Variants in ASXL1 observed in about 807,000 individuals in gnomAD.
ASXL1 encodes polycomb group protein ASXL1.
A neutral mutation model predicts 89.1 loss-of-function variants in ASXL1; 65 were observed. The ratio of observed to expected loss-of-function variants is 0.73; its 90% CI spans 0.60 to 0.90. The LOEUF is 0.90. Ranked by LOEUF, ASXL1 falls within the 40% of genes least tolerant of loss-of-function variation. The pLI is 0.00. For missense variants in ASXL1, 1,786 were observed against 1,942.9 expected (o/e 0.92, Z 1.52); for synonymous variants, 739 against 746.9 (o/e 0.99, Z 0.17).
chr20:32,424,428 G>A (rs1470671886), intron 4 of ASXL1, among the ~76,000 whole-genome samples: 3 of 152,074 alleles, frequency 2.0e-5, no homozygotes, highest in Non-Finnish European at 2.9e-5. Context: ...CCAGCTGCTC[G>A]GGAGGCTGAG....
intron 4 of ASXL1, among the ~76,000 whole-genome samples, chr20:32,370,334 T>C (rs1269137963): frequency 6.6e-6 from 1 of 152,140 alleles, no homozygotes; most frequent in African/African-American, 2.4e-5. Context: ...TGGATCATAC[T>C]GTCTTTGTCT....
At position 32,435,822 on chromosome 20, in the gene ASXL1, G is replaced by A. The variant is rs2145377749; in HGVS notation, c.3110G>A (p.Trp1037Ter). The change falls in exon 13 of 13, where the codon TGG becomes TAG. Residue 1037 changes from tryptophan (W) to a stop codon, truncating the protein, a stop_gained. Transcript: ENST00000375687. LOFTEE classifies it low-confidence loss of function (END_TRUNC). ...SSVDKDEKPN[W>*]NQSAPLSKVN... ...GTGGACAAGGATGAGAAACCCAATT[G>A]GAACCAATCTGCCCCACTGTCCAAG... The A allele has an allele frequency of 1.2e-6, 2 of 1,614,170 alleles. No homozygotes were observed. Among genetic ancestry groups the A allele is most frequent in the Non-Finnish European group, 1.7e-6 (2 of 1,180,028 alleles).
At chr20:32,370,905 C>T (rs2048289898) in intron 4 of ASXL1, among the ~76,000 whole-genome samples, 1 of 143,144 alleles carries the variant, frequency 7.0e-6, no homozygotes, top group Admixed American at 7.3e-5. Flanking sequence ...AATCCCAGCA[C>T]TTTGGGAGGC....
intron 4 of ASXL1, chr20:32,372,340 G>C: frequency 8.5e-7 from 1 of 1,171,848 alleles, no homozygotes; most frequent in Admixed American, 4.2e-5. Flanking sequence ...GCTTTATGTT[G>C]CTTATCCTTC....
At chr20:32,387,543 G>A (rs531525970) in intron 4 of ASXL1, among the ~76,000 whole-genome samples, 26 of 152,290 alleles carry the variant, frequency 1.7e-4, no homozygotes, top group African/African-American at 6.0e-4. Context: ...AAGTAGAGAT[G>A]TCTATCTCCT....
intron 4 of ASXL1, among the ~76,000 whole-genome samples, chr20:32,404,336 A>T (rs540995503): frequency 9.2e-5 from 14 of 152,282 alleles, no homozygotes; most frequent in Non-Finnish European, 1.6e-4. Flanking sequence ...TCAGCATTTC[A>T]TAGGTTTTAG....
In ASXL1 at chr20:32,419,198, GGTTT is replaced by G. The variant is rs527671382; in HGVS notation, c.253-8921_253-8918del. ...ATGGTATAGCTCTCCATTTATTTAGGGTTTGTTTGTTTTTGTTTTTTTGAGACAG... is the reference window on the plus strand; with the variant it reads ...ATGGTATAGCTCTCCATTTATTTAGGGTTTGTTTTTGTTTTTTTGAGACAG... On this transcript the variant is annotated intron_variant, in intron 4 of 12. Transcript: ENST00000375687. Among the ~76,000 whole-genome samples the G allele has an allele frequency of 1.5e-4, 22 of 151,236 alleles. No individual in the cohort carries two copies. In the South Asian group the frequency reaches 3.6e-3, roughly 24 times the overall value.
rs1569324759 is a variant in ASXL1 at position 32,433,544 on chromosome 20, AC to A, written c.1347del (p.Tyr449Ter). ...AKSVASDVPL[Y>X]KDGEAKTDPA... ...TCTGTGGCCTCAGATGTTCCCCTCT[AC>A]AAGGATGGGGAGGCTAAGACTGACC... On this transcript the variant is annotated frameshift_variant, in exon 12 of 13. Coordinates refer to ENST00000375687, the MANE Select transcript of ASXL1 (RefSeq NM_015338.6). LOFTEE classifies it high-confidence loss of function. 1.2e-6 allele frequency: 2 copies of A among 1,614,204 alleles called. No homozygotes were observed. The highest frequency in any genetic ancestry group is 1.7e-6 in the Non-Finnish European group (2 of 1,180,032).
intron 4 of ASXL1, among the ~76,000 whole-genome samples, chr20:32,423,447 C>G (rs1600564879): frequency 2.6e-5 from 4 of 151,824 alleles, no homozygotes; most frequent in African/African-American, 9.7e-5. Flanking sequence ...TCATGTTGGC[C>G]CAGGCTGGTC....
intron 10 of ASXL1, 34 bp from the exon 11 acceptor site, chr20:32,432,846 A>G: frequency 6.2e-7 from 1 of 1,611,486 alleles, no homozygotes; most frequent in Non-Finnish European, 8.5e-7. Context: ...AATATCCCGA[A>G]TGCACTTACT....
intron 4 of ASXL1, among the ~76,000 whole-genome samples, chr20:32,391,988 T>G (rs1029830464): frequency 6.6e-6 from 1 of 151,994 alleles, no homozygotes; most frequent in African/African-American, 2.4e-5. Context: ...TCCCTAATTC[T>G]TTTACTTGGG....
chr20:32,366,582 G>A (rs1279099331), intron 2 of ASXL1, 116 bp downstream of exon 2: 1 of 1,574,648 alleles, frequency 6.4e-7, no homozygotes, highest in Non-Finnish European at 8.6e-7. Flanking sequence ...GTGTCTGGTA[G>A]TGAGATGGAA....
chr20:32,428,098 G>T (rs768414747), intron 4 of ASXL1, 30 bp from the exon 5 acceptor site: 3 of 1,612,370 alleles, frequency 1.9e-6, no homozygotes, highest in Non-Finnish European at 2.5e-6. Context: ...GTAGGGTTTT[G>T]TTCACCTGAG....
At chr20:32,373,144 A>C (rs1416463207) in intron 4 of ASXL1, among the ~76,000 whole-genome samples, 2 of 149,052 alleles carry the variant, frequency 1.3e-5, no homozygotes, top group South Asian at 2.2e-4. Context: ...TGGGAGGCCG[A>C]GGTGGGTGAA....
At position 32,436,447 on chromosome 20, in the gene ASXL1, A is replaced by C; in HGVS notation, c.3735A>C (p.Glu1245Asp). 6.2e-7 allele frequency: 1 copy of C among 1,614,140 alleles called. No homozygotes were observed. Among genetic ancestry groups the C allele is most frequent in the Non-Finnish European group, 8.5e-7 (1 of 1,180,036 alleles). Reference sequence around the variant, plus strand: ...CCTTTAGTTGTGAAGATCAGAAGGAAGTCCGTGCTATGTCACAGGACAGTA... The same window carrying C: ...CCTTTAGTTGTGAAGATCAGAAGGACGTCCGTGCTATGTCACAGGACAGTA... ...FSSFSCEDQK[E>D]VRAMSQDSNS... The change falls in exon 13 of 13, where the codon GAA becomes GAC. Residue 1245 changes from glutamate (E) to aspartate (D), a missense_variant. Physicochemically the swap from Glu to Asp is conservative, Grantham distance 45. Around this residue, in one of 3 missense-constraint regions of ASXL1, gnomAD observed 1,418 missense variants for 1,427.8 expected, o/e 0.99. Transcript: ENST00000375687.
intron 4 of ASXL1, among the ~76,000 whole-genome samples, chr20:32,421,853 G>A (rs1467631254): frequency 3.3e-5 from 5 of 149,550 alleles, no homozygotes; most frequent in African/African-American, 9.8e-5. Flanking sequence ...GGGTGAGAGG[G>A]GTGGTTTCTT....
chr20:32,422,031 G>C (rs902250504), intron 4 of ASXL1, among the ~76,000 whole-genome samples: 1 of 150,086 alleles, frequency 6.7e-6, no homozygotes, highest in Non-Finnish European at 1.5e-5. Flanking sequence ...ACCACTCCTG[G>C]CTAATTTTTT....
At chr20:32,416,469 C>T (rs982340009) in intron 4 of ASXL1, among the ~76,000 whole-genome samples, 7 of 152,196 alleles carry the variant, frequency 4.6e-5, no homozygotes, top group African/African-American at 1.7e-4. Context: ...ATTAATTTAA[C>T]GTGCATCCTC....
At chr20:32,411,520 G>A (rs1013047450) in intron 4 of ASXL1, among the ~76,000 whole-genome samples, 12 of 144,468 alleles carry the variant, frequency 8.3e-5, no homozygotes, top group East Asian at 2.0e-4. Flanking sequence ...AAGCCACTGT[G>A]CCCGGCCATG....
Sources: gnomAD v4.1 joint callset for allele counts (sites outside exome capture counted in the v4.1 genomes callset) on GRCh38, gnomAD v4.1.1 for gene constraint, gnomAD v4.1.1 regional missense constraint, MANE v1.5 for transcripts, NCBI Gene and HGNC (gene_info 2026-07-23, HGNC 2026-07-21) for gene names.